SUCLA2: variants seen among roughly 807,000 people sequenced by gnomAD.
The protein encoded by SUCLA2 is succinate-CoA ligase ADP-forming subunit beta.
SUCLA2 carries 30 observed loss-of-function variants against 54.8 expected under a neutral mutation model. The ratio of observed to expected loss-of-function variants is 0.55; its 90% CI spans 0.41 to 0.74. SUCLA2 has a LOEUF of 0.74. Ranked by LOEUF, SUCLA2 falls within the 30% of genes least tolerant of loss-of-function variation. The pLI is 0.00. For synonymous variants in SUCLA2, 172 were observed against 188.9 expected, an observed-to-expected ratio of 0.91 and a Z score of 0.74; for missense variants, 476 against 562.9, an observed-to-expected ratio of 0.85 and a Z score of 1.56.
chr13:47,962,507 C>T (rs1160234283), intron 6 of SUCLA2, among the ~76,000 whole-genome samples: 1 of 152,138 alleles, frequency 6.6e-6, no homozygotes. Flanking sequence ...GTATATGGGA[C>T]TGAAGATTAT....
At chr13:48,000,082 A>G (rs1195775800) in intron 1 of SUCLA2, among the ~76,000 whole-genome samples, 3 of 151,880 alleles carry the variant, frequency 2.0e-5, no homozygotes, top group African/African-American at 7.3e-5. Flanking sequence ...TCGGGAAGCA[A>G]ACTCACAGAA....
chr13:47,954,602 T>C (rs781534180), intron 6 of SUCLA2, 45 bp from the exon 7 acceptor site: 1 of 1,590,426 alleles, frequency 6.3e-7, no homozygotes, highest in South Asian at 1.1e-5. Flanking sequence ...TCAAGACAGA[T>C]ACAATAAAGT....
chr13:47,978,443 G>A (rs1324638628), intron 4 of SUCLA2, among the ~76,000 whole-genome samples: 1 of 152,166 alleles, frequency 6.6e-6, no homozygotes, highest in Non-Finnish European at 1.5e-5. Flanking sequence ...AAATGGTGTT[G>A]GGAAAACTGG....
chr13:47,962,343 C>A (rs914090236), intron 6 of SUCLA2, among the ~76,000 whole-genome samples: 1 of 152,030 alleles, frequency 6.6e-6, no homozygotes, highest in Admixed American at 6.6e-5. Context: ...TTAATAAAAA[C>A]CTGTTTTCTT....
chr13:47,946,809 A>C, intron 10 of SUCLA2, among the ~76,000 whole-genome samples: 1 of 152,192 alleles, frequency 6.6e-6, no homozygotes, highest in East Asian at 1.9e-4. Flanking sequence ...CAAATGAATA[A>C]TTATGATAGT....
At chr13:47,988,495 A>C (rs747434407) in intron 4 of SUCLA2, 46 bp downstream of exon 4, 7 of 1,597,884 alleles carry the variant, frequency 4.4e-6, no homozygotes, top group Non-Finnish European at 5.1e-6. Context: ...TTTGAAATTG[A>C]ATGTCATAAA....
At chr13:47,985,331 TCACCCAG>T (rs1389022244) in intron 4 of SUCLA2, among the ~76,000 whole-genome samples, 1 of 152,126 alleles carries the variant, frequency 6.6e-6, no homozygotes, top group African/African-American at 2.4e-5. Context: ...GATCATCCCA[TCACCCAG>T]GTATTAAGCC....
At chr13:47,952,676 G>A (rs936016641) in intron 8 of SUCLA2, among the ~76,000 whole-genome samples, 2 of 151,916 alleles carry the variant, frequency 1.3e-5, no homozygotes, top group East Asian at 3.9e-4. Context: ...CCTTTGTCAG[G>A]GATCTCTTCC....
At chr13:48,001,126 C>T (rs1950227827) in intron 1 of SUCLA2, 54 bp downstream of exon 1, 1 of 1,564,826 alleles carries the variant, frequency 6.4e-7, no homozygotes, top group South Asian at 1.2e-5. Flanking sequence ...ACCCCTCACA[C>T]CTCACCCTTT....
intron 2 of SUCLA2, among the ~76,000 whole-genome samples, chr13:47,994,115 G>C (rs1252781664): frequency 6.6e-6 from 1 of 151,126 alleles, no homozygotes; most frequent in Non-Finnish European, 1.5e-5. Flanking sequence ...GAATTTTGCA[G>C]AAAGTCAAAA....
rs369036092 is a variant in SUCLA2 at position 47,971,677 on chromosome 13, G to A, written c.663+1587C>T. 2.0e-4 allele frequency: 77 copies of A among 380,990 alleles called. 1 individual carries two copies. The highest frequency in any genetic ancestry group is 1.5e-3 in the South Asian group (10 of 6,888). The allele number at this position is 380,990 out of a possible 1,614,324, so 23.6% of individuals were successfully genotyped here. A position where few individuals can be genotyped will look rare whatever the true frequency, so the allele number is the denominator to read the frequency against. On this transcript the variant is annotated intron_variant, in intron 5 of 10. Coordinates refer to ENST00000646932, the MANE Select transcript of SUCLA2 (RefSeq NM_003850.3). The stretch of plus-strand genomic sequence containing the variant: ...AAAGAATTGAAAGAAGGACCACAGC[G>A]TTCATCGAATTCTTAAAATCATTCA...
rs1214690397 is a variant in SUCLA2, at chr13:47,970,151, A to G, written c.664-1418T>C. Among the ~76,000 whole-genome samples the G allele has an allele frequency of 2.0e-5, 3 of 151,402 alleles. No homozygotes were observed. In the East Asian group the frequency reaches 5.8e-4, roughly 29 times the overall value. ...CTAAGGAATGTAATCTTTTGTTTTG[A>G]CCTATTTCAAATAAAGAATAATATG... On this transcript the variant is annotated intron_variant, in intron 5 of 10. Transcript: ENST00000646932.
At chr13:47,953,931 G>T (rs1462177602) in intron 8 of SUCLA2, among the ~76,000 whole-genome samples, 1 of 151,822 alleles carries the variant, frequency 6.6e-6, no homozygotes, top group African/African-American at 2.4e-5. Flanking sequence ...TATAATGACA[G>T]ATTACACAAA....
At chr13:47,968,817 CACTT>C (rs1200148812) in intron 5 of SUCLA2, 84 bp from the exon 6 acceptor site, 13 of 1,458,700 alleles carry the variant, frequency 8.9e-6, no homozygotes, top group Non-Finnish European at 1.2e-5. Context: ...TGTAGTTTAT[CACTT>C]AAATGATAAA....
intron 4 of SUCLA2, among the ~76,000 whole-genome samples, chr13:47,984,738 T>C (rs1428795690): frequency 6.6e-6 from 1 of 151,696 alleles, no homozygotes; most frequent in African/African-American, 2.4e-5. Flanking sequence ...ATGGCACCAC[T>C]GCACTCCAGC....
At chr13:47,957,721 G>C (rs932152680) in intron 6 of SUCLA2, among the ~76,000 whole-genome samples, 2 of 152,188 alleles carry the variant, frequency 1.3e-5, no homozygotes, top group African/African-American at 4.8e-5. Flanking sequence ...AACATTCTTG[G>C]AGGTTTTTCT....
At chr13:47,956,785 C>A (rs1281537582) in intron 6 of SUCLA2, 3 of 152,182 alleles carry the variant, frequency 2.0e-5, no homozygotes, top group African/African-American at 4.8e-5. Context: ...TCCTGTTAAA[C>A]ATCCGACCAA....
In SUCLA2 at chr13:47,963,459, C is replaced by T. The variant is rs1206656884; in HGVS notation, c.802+5136G>A. Among the ~76,000 whole-genome samples the T allele has an allele frequency of 3.9e-5, 6 of 152,176 alleles. No individual in the cohort carries two copies. In the East Asian group the frequency reaches 1.2e-3, roughly 30 times the overall value. ...AAGAGTTTGAGACCAGCCTGGCTAA[C>T]ATGGAGAAACACCATCTCTACTAAA... is the stretch of plus-strand genomic sequence containing the variant. On this transcript the variant is annotated intron_variant, in intron 6 of 10. Transcript: ENST00000646932.
At chr13:47,973,464 C>T (rs1302759645) in intron 4 of SUCLA2, 72 bp from the exon 5 acceptor site, 16 of 1,534,996 alleles carry the variant, frequency 1.0e-5, no homozygotes, top group African/African-American at 6.8e-5. Flanking sequence ...AAAACCTACC[C>T]GTGCATAATA....
Sources: allele counts gnomAD v4.1 joint callset (sites outside exome capture counted in the v4.1 genomes callset), GRCh38; gene constraint gnomAD v4.1.1; transcripts MANE v1.5; gene names NCBI Gene and HGNC (gene_info 2026-07-23, HGNC 2026-07-21).